The following RTN3 variants were observed in gnomAD, a reference collection of about 807,000 sequenced individuals.
The protein encoded by RTN3 is reticulon 3.
Under a neutral mutation model 77.8 loss-of-function variants are expected in RTN3, and 49 were observed. The ratio of observed to expected loss-of-function variants is 0.63; its 90% confidence interval spans 0.50 to 0.80. The LOEUF is 0.80. Among genes scored for constraint, RTN3 ranks in the 30% least tolerant of loss-of-function variants. RTN3 has a pLI of 0.00. For synonymous variants in RTN3, 464 were observed against 446.9 expected (o/e 1.04, Z -0.48); for missense variants, 1,236 against 1,211.9 (o/e 1.02, Z -0.29).
At chr11:63,687,534 C>T (rs1941437900) in intron 1 of RTN3, among the ~76,000 whole-genome samples, 5 of 151,826 alleles carry the variant, frequency 3.3e-5, no homozygotes, top group African/African-American at 1.2e-4. Flanking sequence ...CACTTGAACC[C>T]AGGAGGTGGA....
In RTN3 at chr11:63,719,881, C is replaced by T. The variant is rs774394358; in HGVS notation, c.1379C>T (p.Ser460Phe). The T allele has an allele frequency of 1.2e-6, 2 of 1,614,124 alleles. No homozygotes were observed. The highest frequency in any genetic ancestry group is 2.2e-5 in the South Asian group (2 of 91,070). Residue 460 changes from serine (S) to phenylalanine (F), a missense_variant, in exon 3 of 9, where the codon TCT becomes TTT. This residue lies in a region of RTN3 where 1,056 missense variants were observed against 990.4 expected (regional missense o/e 1.07). Transcript: ENST00000377819. ...LPGSPPEKCD[S>F]LGSGVATVKV... Reference sequence around the variant, plus strand: ...GGATCTCCACCTGAGAAATGTGACTCTTTGGGTTCTGGAGTGGCCACAGTG... The same window carrying T: ...GGATCTCCACCTGAGAAATGTGACTTTTTGGGTTCTGGAGTGGCCACAGTG...
At chr11:63,756,543 C>T (rs1233299012) in intron 8 of RTN3, among the ~76,000 whole-genome samples, 2 of 151,912 alleles carry the variant, frequency 1.3e-5, no homozygotes, top group African/African-American at 2.4e-5. Context: ...CATGGTAACA[C>T]GTGCCTTTAG....
chr11:63,717,534 C>T (rs1387929454), intron 2 of RTN3, among the ~76,000 whole-genome samples: 2 of 151,428 alleles, frequency 1.3e-5, no homozygotes, highest in Non-Finnish European at 2.9e-5. Flanking sequence ...ATTACAGGTG[C>T]CTGCCACCAC....
Position 63,681,787 on chromosome 11 carries a change from C to G in RTN3, c.142+9C>G. 1.3e-6 allele frequency: 2 copies of G among 1,558,164 alleles called. No homozygotes were observed. The highest frequency in any genetic ancestry group is 1.7e-6 in the Non-Finnish European group (2 of 1,157,342). ...CAGCTCCTCCTGTGCGGGTAAGGCGCGCGGGGAGCCCCCGCCCTGGGAAAG... is the reference window on the plus strand; with the variant it reads ...CAGCTCCTCCTGTGCGGGTAAGGCGGGCGGGGAGCCCCCGCCCTGGGAAAG... On this transcript the variant is annotated intron_variant, in intron 1 of 8. Transcript: ENST00000377819.
intron 1 of RTN3, 150 bp downstream of exon 1, chr11:63,681,928 CAA>C: frequency 1.2e-6 from 1 of 834,264 alleles, no homozygotes; most frequent in Non-Finnish European, 1.8e-6. Flanking sequence ...GGAAAATGGG[CAA>C]AGGGGAAGGG....
At chr11:63,693,821 C>A (rs1305708227) in intron 1 of RTN3, among the ~76,000 whole-genome samples, 1 of 152,084 alleles carries the variant, frequency 6.6e-6, no homozygotes, top group Non-Finnish European at 1.5e-5. Flanking sequence ...CACATTCTGG[C>A]ATATTAGAAA....
At chr11:63,708,782 T>G (rs1025828233) in intron 2 of RTN3, among the ~76,000 whole-genome samples, 1 of 152,250 alleles carries the variant, frequency 6.6e-6, no homozygotes, top group African/African-American at 2.4e-5. Context: ...GCTTATGGTT[T>G]CCTTTTTCCA....
At chr11:63,696,727 G>A (rs1270505100) in intron 1 of RTN3, among the ~76,000 whole-genome samples, 1 of 150,134 alleles carries the variant, frequency 6.7e-6, no homozygotes, top group Non-Finnish European at 1.5e-5. Flanking sequence ...TGTATTTTTA[G>A]TAGAGACAGG....
intron 2 of RTN3, 23 bp downstream of exon 2, chr11:63,704,930 T>C (rs1175486811): frequency 6.3e-7 from 1 of 1,575,800 alleles, no homozygotes; most frequent in African/African-American, 1.4e-5. Flanking sequence ...TTTTTTTGTG[T>C]GCATTGGTAA....
intron 1 of RTN3, among the ~76,000 whole-genome samples, chr11:63,687,628 A>G (rs1291178188): frequency 3.3e-5 from 5 of 151,996 alleles, no homozygotes; most frequent in Admixed American, 6.6e-5. Flanking sequence ...AAAAAAGTGA[A>G]CACATTTATA....
rs180937397 is a variant in RTN3 at position 63,692,853 on chromosome 11, A to C, written c.142+11075A>C. On this transcript the variant is annotated intron_variant, in intron 1 of 8. Coordinates refer to ENST00000377819, the MANE Select transcript of RTN3 (RefSeq NM_001265589.2). ...TGTCATGTGGCAGTTTTAAGTTATTAAAATAAGTACTTTTTAATGGGAACA... is the reference window on the plus strand; with the variant it reads ...TGTCATGTGGCAGTTTTAAGTTATTCAAATAAGTACTTTTTAATGGGAACA... Among the ~76,000 whole-genome samples the C allele has an allele frequency of 6.6e-5, 10 of 152,300 alleles. No individual in the cohort carries two copies. The East Asian group carries it at 1.9e-3, about 29-fold the overall frequency.
intron 2 of RTN3, among the ~76,000 whole-genome samples, chr11:63,711,594 C>T (rs545614456): frequency 5.9e-5 from 9 of 151,584 alleles, no homozygotes; most frequent in East Asian, 5.8e-4. Context: ...ACGGAGTTTT[C>T]GTTCTTGTTG....
intron 3 of RTN3, among the ~76,000 whole-genome samples, chr11:63,735,814 G>A (rs2013082340): frequency 6.6e-6 from 1 of 152,024 alleles, no homozygotes; most frequent in South Asian, 2.1e-4. Flanking sequence ...ACCAGTGTGA[G>A]CTAAAGCGCC....
chr11:63,699,172 G>A (rs897431370), intron 1 of RTN3, among the ~76,000 whole-genome samples: 1 of 152,054 alleles, frequency 6.6e-6, no homozygotes, highest in Non-Finnish European at 1.5e-5. Flanking sequence ...GTGGTAGCAT[G>A]CACCTGTAAT....
At chr11:63,737,180 C>T (rs2013182143) in intron 3 of RTN3, among the ~76,000 whole-genome samples, 1 of 152,124 alleles carries the variant, frequency 6.6e-6, no homozygotes, top group African/African-American at 2.4e-5. Context: ...ACATGATGTG[C>T]AGAAATTAAA....
chr11:63,753,493 CTACCT>C (rs1437027873), intron 6 of RTN3, among the ~76,000 whole-genome samples, 164 bp from the exon 7 acceptor site: 1 of 152,180 alleles, frequency 6.6e-6, no homozygotes, highest in Non-Finnish European at 1.5e-5. Context: ...TGTTTTAACA[CTACCT>C]TAAATTAGCT....
At chr11:63,755,828 G>A (rs2014351340) in intron 7 of RTN3, among the ~76,000 whole-genome samples, 2 of 151,490 alleles carry the variant, frequency 1.3e-5, no homozygotes, top group African/African-American at 2.4e-5. Flanking sequence ...GCGTGGTGGC[G>A]GGCGCCCGTA....
At chr11:63,705,354 C>T (rs920622461) in intron 2 of RTN3, among the ~76,000 whole-genome samples, 1 of 152,138 alleles carries the variant, frequency 6.6e-6, no homozygotes, top group Non-Finnish European at 1.5e-5. Flanking sequence ...GTGGTGCATG[C>T]CTGTAGTCCC....
chr11:63,725,725 T>C (rs541159636), intron 3 of RTN3, among the ~76,000 whole-genome samples: 1 of 152,320 alleles, frequency 6.6e-6, no homozygotes, highest in African/African-American at 2.4e-5. Context: ...GTGCTGGAAT[T>C]ACAGGCATGA....
Sources: allele counts gnomAD v4.1 joint callset (sites outside exome capture counted in the v4.1 genomes callset), GRCh38; gene constraint gnomAD v4.1.1; regional missense constraint gnomAD v4.1.1; transcripts MANE v1.5; gene names NCBI Gene and HGNC (gene_info 2026-07-23, HGNC 2026-07-21).